Variants in PCDH10 observed in about 807,000 individuals in gnomAD.
The protein encoded by PCDH10 is protocadherin 10.
PCDH10 carries 15 observed loss-of-function variants against 74.4 expected under a neutral mutation model. That is an observed-to-expected ratio of 0.20 (90% CI 0.13 to 0.31). The LOEUF is 0.31. Among genes scored for constraint, PCDH10 ranks in the 10% least tolerant of loss-of-function variants. The pLI is 1.00. For synonymous variants in PCDH10, 619 were observed against 589.8 expected (o/e 1.05, Z -0.72); for missense variants, 1,260 against 1,390.2 (o/e 0.91, Z 1.49).
At chr4:133,162,665 A>G (rs947638334) in intron 3 of PCDH10, among the ~76,000 whole-genome samples, 1 of 152,112 alleles carries the variant, frequency 6.6e-6, no homozygotes, top group Non-Finnish European at 1.5e-5. Context: ...ATTTTTATTC[A>G]CCATTTCCCA....
At chr4:133,184,200 T>A (rs190608619) in intron 4 of PCDH10, among the ~76,000 whole-genome samples, 6 of 152,224 alleles carry the variant, frequency 3.9e-5, no homozygotes, top group African/African-American at 7.2e-5. Context: ...AACTCCTGTT[T>A]TCCACCTATG....
At chr4:133,164,521 A>C (rs2125863801) in intron 4 of PCDH10, among the ~76,000 whole-genome samples, 1 of 152,098 alleles carries the variant, frequency 6.6e-6, no homozygotes, top group South Asian at 2.1e-4. Context: ...TATGATTCAG[A>C]TTAATAAAAA....
At chr4:133,174,093 C>CGATA (rs1403868637) in intron 4 of PCDH10, among the ~76,000 whole-genome samples, 2 of 151,896 alleles carry the variant, frequency 1.3e-5, no homozygotes, top group South Asian at 4.1e-4. Flanking sequence ...CTTTTGGTAT[C>CGATA]ACGTCATCCT....
chr4:133,154,663 G>A (rs1445976679), intron 2 of PCDH10, among the ~76,000 whole-genome samples: 1 of 152,074 alleles, frequency 6.6e-6, no homozygotes, highest in African/African-American at 2.4e-5. Flanking sequence ...TTATGAAAAT[G>A]ATATAAACAT....
intron 4 of PCDH10, among the ~76,000 whole-genome samples, chr4:133,172,144 C>A (rs1727215571): frequency 6.6e-6 from 1 of 151,972 alleles, no homozygotes; most frequent in South Asian, 2.1e-4. Context: ...ATGTTTCATC[C>A]AAACACTGAT....
At chr4:133,195,486 T>C (rs1387471456), downstream of PCDH10, among the ~76,000 whole-genome samples, 3 of 152,080 alleles carry the variant, frequency 2.0e-5, no homozygotes, top group Non-Finnish European at 4.4e-5. Context: ...TTATCCCTTA[T>C]TTTCACTCTT....
chr4:133,196,161 A>T (rs1183368894), downstream of PCDH10, among the ~76,000 whole-genome samples: 2 of 152,210 alleles, frequency 1.3e-5, no homozygotes. Context: ...CAGCCAATTT[A>T]TCAAGACAGG....
In PCDH10 at chr4:133,203,531, T is replaced by C. The variant is rs368090097; in HGVS notation, n.438-4545T>C. 3.9e-5 allele frequency among the ~76,000 whole-genome samples: 6 copies of C among 152,280 alleles called. No homozygotes were observed. In the East Asian group the frequency reaches 9.7e-4, roughly 25 times the overall value. Reference sequence around the variant, plus strand: ...TTTTACCCTATCAAGCTGAGAATCATGATCTTTGTTGCAACAGAGAAACAG... The same window carrying C: ...TTTTACCCTATCAAGCTGAGAATCACGATCTTTGTTGCAACAGAGAAACAG... On this transcript the variant is annotated intron_variant and non_coding_transcript_variant, in intron 2 of 2. Coordinates refer to the PCDH10 transcript ENST00000511112.
chr4:133,169,544 C>T (rs1425517189), intron 4 of PCDH10, among the ~76,000 whole-genome samples: 2 of 151,706 alleles, frequency 1.3e-5, no homozygotes, highest in Non-Finnish European at 3.0e-5. Flanking sequence ...CGTTTTCATC[C>T]TCTTTCTTAT....
chr4:133,163,560 T>C, intron 4 of PCDH10, among the ~76,000 whole-genome samples: 1 of 152,144 alleles, frequency 6.6e-6, no homozygotes, highest in East Asian at 1.9e-4. Context: ...TAAAAATGCT[T>C]TGAGATTCCA....
At chr4:133,179,688 G>C (rs950952854) in intron 4 of PCDH10, among the ~76,000 whole-genome samples, 30 of 152,048 alleles carry the variant, frequency 2.0e-4, no homozygotes, top group African/African-American at 6.8e-4. Flanking sequence ...CATAATTGCT[G>C]TCTTTAGAAT....
rs903431952 is a variant in PCDH10 at position 133,192,394 on chromosome 4, A to G, written c.*2234A>G. 1.3e-5 allele frequency: 2 copies of G among 151,614 alleles called. No homozygotes were observed. The highest frequency in any genetic ancestry group is 4.8e-5 in the African/African-American group (2 of 41,406). 9.4% of individuals were successfully genotyped at this position (151,614 alleles called of 1,614,324 possible). On this transcript the variant is annotated 3_prime_UTR_variant, in exon 5 of 5. Coordinates refer to ENST00000264360, the MANE Select transcript of PCDH10 (RefSeq NM_032961.3). ...TAAAATGTTTCACGCATCATTTTGC[A>G]ATCATGGGTGAATATCCACATCCAT... is the stretch of plus-strand genomic sequence containing the variant.
chr4:133,199,072 A>G (rs1727849857), downstream of PCDH10, among the ~76,000 whole-genome samples: 1 of 151,952 alleles, frequency 6.6e-6, no homozygotes, highest in Non-Finnish European at 1.5e-5. Flanking sequence ...GCTTGAGCTC[A>G]GGAGTTGGAG....
At chr4:133,154,242 A>C in intron 1 of PCDH10, 65 bp from the exon 2 acceptor site, 1 of 1,005,642 alleles carries the variant, frequency 9.9e-7, no homozygotes, top group Non-Finnish European at 1.5e-6. Flanking sequence ...TCCTAACCTC[A>C]AAAGTAGACT....
rs746452904 is a variant in PCDH10, at chr4:133,163,085, A to G, written c.2906A>G (p.Tyr969Cys). 6.2e-7 allele frequency: 1 copy of G among 1,614,154 alleles called. No individual in the cohort carries two copies. The highest frequency in any genetic ancestry group is 1.7e-5 in the Admixed American group (1 of 60,020). ...VPSDGRQAAD[Y>C]RSNLHVPGMD... ...TCTGATGGACGCCAGGCTGCTGATT[A>G]TCGCAGCAATCTGCATGTTCCTGGC... The change falls in exon 4 of 5, where the codon TAT (tyrosine) becomes TGT (cysteine). Residue 969 changes from tyrosine to cysteine, a missense_variant. Physicochemically the swap from Tyr to Cys is radical, Grantham distance 194. Around this residue, in one of 11 missense-constraint regions of PCDH10, gnomAD observed 136 missense variants for 149.3 expected, o/e 0.91. Transcript: ENST00000264360.
At chr4:133,187,451 A>G (rs925684881) in intron 4 of PCDH10, among the ~76,000 whole-genome samples, 1 of 152,084 alleles carries the variant, frequency 6.6e-6, no homozygotes, top group African/African-American at 2.4e-5. Flanking sequence ...ACTGAGGGAT[A>G]ACTCTTCATA....
intron 4 of PCDH10, among the ~76,000 whole-genome samples, chr4:133,167,331 C>T (rs1370366568): frequency 1.3e-5 from 2 of 151,438 alleles, no homozygotes; most frequent in African/African-American, 4.8e-5. Context: ...ATTATCTCAG[C>T]CTGCCTTCTG....
At chr4:133,182,185 G>T (rs1286792479) in intron 4 of PCDH10, among the ~76,000 whole-genome samples, 24 of 151,944 alleles carry the variant, frequency 1.6e-4, no homozygotes, top group Admixed American at 1.5e-3. Flanking sequence ...CAACATTCCT[G>T]TAGTCAGGAA....
chr4:133,152,678 G>A lies in PCDH10; in HGVS notation c.2538G>A (p.Thr846=), dbSNP rs777721022. Residue 846 remains threonine, a synonymous_variant, in exon 1 of 5, where the codon ACG becomes ACA. Transcript: ENST00000264360. The stretch of plus-strand genomic sequence containing the variant: ...AGCCCTGCAGCCCTTCGCGGAGTAC[G>A]GACACTGAGCACAACCCCTGCGGGG... ...FLKPCSPSRS[T]DTEHNPCGAI... 5.0e-6 allele frequency: 8 copies of A among 1,614,028 alleles called. No homozygotes were observed. The highest frequency in any genetic ancestry group is 3.3e-5 in the Admixed American group (2 of 60,006).
Sources: gnomAD v4.1 joint callset for allele counts (sites outside exome capture counted in the v4.1 genomes callset) on GRCh38, gnomAD v4.1.1 for gene constraint, gnomAD v4.1.1 regional missense constraint, MANE v1.5 for transcripts, NCBI Gene and HGNC (gene_info 2026-07-23, HGNC 2026-07-21) for gene names.